Variants in CACNA1I observed in about 807,000 individuals in gnomAD.
CACNA1I encodes the protein voltage-dependent T-type calcium channel subunit alpha-1I.
In CACNA1I, 74 loss-of-function variants were observed where a neutral mutation model predicts 201.6. The ratio of observed to expected loss-of-function variants is 0.37; its 90% confidence interval spans 0.30 to 0.45. CACNA1I has a LOEUF of 0.45. Among genes scored for constraint, CACNA1I ranks in the 20% least tolerant of loss-of-function variants. The pLI, the probability that CACNA1I is intolerant of heterozygous loss-of-function variation, is 1.00. For synonymous variants in CACNA1I, 1,431 were observed against 1,345.2 expected (o/e 1.06, Z -1.40); for missense variants, 2,346 against 3,138.1 (o/e 0.75, Z 6.03).
chr22:39,660,035 G>C (rs940835418), intron 14 of CACNA1I, among the ~76,000 whole-genome samples, 183 bp downstream of exon 14: 18 of 152,158 alleles, frequency 1.2e-4, no homozygotes, highest in African/African-American at 4.3e-4. Context: ...AATGGAGACT[G>C]CGTCTGCCAT....
At position 39,649,361 on chromosome 22, in the gene CACNA1I, CT is replaced by C. The variant is rs1483280134; in HGVS notation, c.1568-139del. On this transcript the variant is annotated intron_variant, in intron 9 of 36. Transcript: ENST00000402142. This position sits in a 1 kb window ranked among gnomAD's most constrained non-coding sequence, Gnocchi z 7.3. ...GCTGCAGCCGCTTCCCCAGGCACCCCTGACCGCCTTTCCAGGCTGGGTCGGC... is the reference window on the plus strand; with the variant it reads ...GCTGCAGCCGCTTCCCCAGGCACCCCGACCGCCTTTCCAGGCTGGGTCGGC... 1.0e-5 allele frequency: 9 copies of C among 860,826 alleles called. No homozygotes were observed. The highest frequency in any genetic ancestry group is 1.6e-5 in the Non-Finnish European group (9 of 580,170). 53.3% of individuals were successfully genotyped at this position (860,826 alleles called of 1,614,324 possible).
chr22:39,630,117 TC>T (rs1934016808), intron 4 of CACNA1I, among the ~76,000 whole-genome samples: 1 of 151,924 alleles, frequency 6.6e-6, no homozygotes, highest in African/African-American at 2.4e-5. Flanking sequence ...TTGAGGGCTG[TC>T]CCCCAGACAG....
chr22:39,596,629 A>G (rs9611201), intron 1 of CACNA1I, among the ~76,000 whole-genome samples: 139,710 of 151,706 alleles, frequency 0.92, 64,558 homozygotes, highest in Middle Eastern at 0.97. Context: ...GAGAGAGCCC[A>G]GGAGCAGGGG....
chr22:39,634,232 C>T (rs1256361739), intron 4 of CACNA1I, among the ~76,000 whole-genome samples: 2 of 152,198 alleles, frequency 1.3e-5, no homozygotes, highest in African/African-American at 4.8e-5. Context: ...GTACCAACCT[C>T]ACAGAGTTGT....
intron 14 of CACNA1I, 39 bp from the exon 15 acceptor site, chr22:39,660,305 G>A (rs1445889345): frequency 2.6e-6 from 4 of 1,519,266 alleles, no homozygotes; most frequent in Non-Finnish European, 3.6e-6. Flanking sequence ...GGGAGGAGCT[G>A]GACTGACCTG....
chr22:39,589,917 T>C (rs768424226), intron 1 of CACNA1I, among the ~76,000 whole-genome samples: 3 of 152,060 alleles, frequency 2.0e-5, no homozygotes, highest in Admixed American at 2.0e-4. Flanking sequence ...GATTTTAGAT[T>C]TGACAAAAAT....
chr22:39,671,074 T>C, intron 26 of CACNA1I, 120 bp downstream of exon 26: 1 of 889,908 alleles, frequency 1.1e-6, no homozygotes, highest in East Asian at 2.6e-5. Flanking sequence ...GAGCAGCCCC[T>C]CCATGCTGGG....
chr22:39,669,935 C>A, intron 24 of CACNA1I, 103 bp from the exon 25 acceptor site: 1 of 1,329,178 alleles, frequency 7.5e-7, no homozygotes, highest in South Asian at 1.2e-5. Context: ...TGGAGGCAGG[C>A]TCAACACATG....
chr22:39,684,323 C>G lies in CACNA1I; in HGVS notation c.5852C>G (p.Pro1951Arg). Reference sequence around the variant, plus strand: ...GCAGCACCCCCAAGTCCCTTCTCCCCGGATGCCTCCAGCCCTCTCCTGCCC... The same window carrying G: ...GCAGCACCCCCAAGTCCCTTCTCCCGGGATGCCTCCAGCCCTCTCCTGCCC... ...SSQAPPSPFS[P>R]DASSPLLPMP... The change falls in exon 36 of 37, where the codon CCG (proline) becomes CGG (arginine). Residue 1951 changes from proline (P) to arginine (R), a missense_variant. Coordinates refer to ENST00000402142, the MANE Select transcript of CACNA1I (RefSeq NM_021096.4). The surrounding 1 kb of genome is among the most constrained non-coding windows in gnomAD (Gnocchi z 4.6). The G allele has an allele frequency of 1.2e-6, 2 of 1,613,468 alleles. No homozygotes were observed. Among genetic ancestry groups the G allele is most frequent in the South Asian group, 1.1e-5 (1 of 90,956 alleles).
At chr22:39,663,879 G>A (rs1230502241) in intron 19 of CACNA1I, 38 bp downstream of exon 19, 5 of 1,611,314 alleles carry the variant, frequency 3.1e-6, no homozygotes, top group African/African-American at 1.3e-5. Flanking sequence ...CAGGCGCCAG[G>A]CCAAGGGACA....
chr22:39,646,771 G>A lies in CACNA1I; in HGVS notation c.1352G>A (p.Arg451His), dbSNP rs1214325278. Residue 451 changes from arginine to histidine, a missense_variant, in exon 8 of 37, where the codon CGC (arginine) becomes CAC (histidine). By Grantham distance (29) the Arg-to-His change is conservative. This residue lies in a region of CACNA1I where 312 missense variants were observed against 331.5 expected (regional missense o/e 0.94). Coordinates refer to ENST00000402142, the MANE Select transcript of CACNA1I (RefSeq NM_021096.4). Reference protein sequence around the residue: ...YVCHILRKAKRRALGLYQALQ... With the variant: ...YVCHILRKAKHRALGLYQALQ... The stretch of plus-strand genomic sequence containing the variant: ...TGCCACATCCTGCGCAAGGCCAAGC[G>A]CCGCGCCCTGGGCCTCTACCAGGCC... 3 of 1,583,118 alleles carry A rather than the reference G, an allele frequency of 1.9e-6. No homozygotes were observed. Among genetic ancestry groups the A allele is most frequent in the African/African-American group, 1.3e-5 (1 of 74,322 alleles).
intron 3 of CACNA1I, among the ~76,000 whole-genome samples, chr22:39,605,631 C>T (rs1007101283): frequency 6.6e-6 from 1 of 152,300 alleles, no homozygotes; most frequent in Admixed American, 6.5e-5. Flanking sequence ...AACACATCAC[C>T]ACAACTAAAG....
intron 3 of CACNA1I, among the ~76,000 whole-genome samples, chr22:39,606,208 G>T (rs1012938597): frequency 2.6e-5 from 4 of 152,204 alleles, no homozygotes; most frequent in African/African-American, 9.6e-5. Flanking sequence ...CCTCGCCTCA[G>T]TGAAGTGTGG....
At chr22:39,660,462 TAG>T (rs764351230) in intron 15 of CACNA1I, 25 bp downstream of exon 15, 1 of 1,560,428 alleles carries the variant, frequency 6.4e-7, no homozygotes, top group South Asian at 1.1e-5. Context: ...GCTTGTCACC[TAG>T]AGAGCCCAGA....
chr22:39,620,055 C>G (rs887075686), intron 4 of CACNA1I, among the ~76,000 whole-genome samples: 2 of 79,494 alleles, frequency 2.5e-5, no homozygotes, highest in African/African-American at 4.9e-5. Flanking sequence ...ATCCATCCAC[C>G]CACCCACCCA....
chr22:39,591,463 G>T (rs531856816), intron 1 of CACNA1I, among the ~76,000 whole-genome samples: 29 of 152,090 alleles, frequency 1.9e-4, no homozygotes, highest in African/African-American at 6.7e-4. Flanking sequence ...CACCCGGCCT[G>T]GCCTGGATTC....
At chr22:39,602,822 T>A (rs566185967) in intron 3 of CACNA1I, among the ~76,000 whole-genome samples, 1 of 152,216 alleles carries the variant, frequency 6.6e-6, no homozygotes, top group Non-Finnish European at 1.5e-5. Context: ...GACCTTTCTC[T>A]AGGGCAGGTC....
chr22:39,634,139 C>T (rs1004596498), intron 4 of CACNA1I, among the ~76,000 whole-genome samples: 1 of 152,212 alleles, frequency 6.6e-6, no homozygotes, highest in Admixed American at 6.5e-5. Context: ...CTAGACCCTG[C>T]TGCTTCTGAG....
Position 39,666,046 on chromosome 22 carries a change from C to G in CACNA1I, c.4104+40C>G. 8 of 1,593,272 alleles carry G rather than the reference C, an allele frequency of 5.0e-6. No individual in the cohort carries two copies. Among genetic ancestry groups the G allele is most frequent in the Non-Finnish European group, 6.8e-6 (8 of 1,168,336 alleles). ...CCTAGCCCTGATCAGACCCTCCCCT[C>G]TCTTGGATGCCAGTGGCTCTGGGAA... is the stretch of plus-strand genomic sequence containing the variant. On this transcript the variant is annotated intron_variant, in intron 23 of 36. Coordinates refer to ENST00000402142, the MANE Select transcript of CACNA1I (RefSeq NM_021096.4). The surrounding 1 kb of genome is among the most constrained non-coding windows in gnomAD (Gnocchi z 4.1).
Sources: allele counts gnomAD v4.1 joint callset (sites outside exome capture counted in the v4.1 genomes callset), GRCh38; gene constraint gnomAD v4.1.1; regional missense constraint gnomAD v4.1.1; non-coding constraint Gnocchi (gnomAD v3.1); transcripts MANE v1.5; gene names NCBI Gene and HGNC (gene_info 2026-07-23, HGNC 2026-07-21).